VPS35L: variants seen among roughly 807,000 people sequenced by gnomAD.
The protein encoded by VPS35L is VPS35 endosomal protein-sorting factor-like.
A neutral mutation model predicts 133.0 loss-of-function variants in VPS35L; 83 were observed. The observed-to-expected ratio is 0.62, with a 90% CI of 0.52 to 0.75. VPS35L has a LOEUF of 0.75. Among genes scored for constraint, VPS35L ranks in the 30% least tolerant of loss-of-function variants. VPS35L has a pLI of 0.00. For missense variants in VPS35L, 1,083 were observed against 1,206.8 expected (o/e 0.90, Z 1.52); for synonymous variants, 423 against 449.9 (o/e 0.94, Z 0.76).
Position 19,639,964 on chromosome 16 carries a change from C to A in VPS35L, c.1699-51C>A. 6.7e-7 allele frequency: 1 copy of A among 1,483,832 alleles called. No homozygotes were observed. Among genetic ancestry groups the A allele is most frequent in the South Asian group, 1.1e-5 (1 of 86,988 alleles). 91.9% of individuals were successfully genotyped at this position (1,483,832 alleles called of 1,614,324 possible). A position where few individuals can be genotyped will look rare whatever the true frequency, so the allele number is the denominator to read the frequency against. ...AGAAAAAGAGACCCACAGATTCCTT[C>A]CTTCCAATAACTTGTGTCATTTGCA... On this transcript the variant is annotated intron_variant, in intron 20 of 30. Transcript: ENST00000417362. This position sits in a 1 kb window ranked among gnomAD's most constrained non-coding sequence, Gnocchi z 4.1.
intron 14 of VPS35L, among the ~76,000 whole-genome samples, chr16:19,620,557 A>G (rs1973045192): frequency 6.6e-6 from 1 of 152,218 alleles, no homozygotes; most frequent in Admixed American, 6.5e-5. Flanking sequence ...AATTGGGATG[A>G]ATACTCCATT....
At chr16:19,693,329 G>A (rs142263798) in intron 29 of VPS35L, among the ~76,000 whole-genome samples, 9 of 152,036 alleles carry the variant, frequency 5.9e-5, no homozygotes, top group African/African-American at 1.9e-4. Flanking sequence ...TGGTTAATGG[G>A]TACAAAGATA....
chr16:19,666,927 T>TCTTTTTTTCTTC (rs1974699113), intron 26 of VPS35L, among the ~76,000 whole-genome samples: 1 of 62,940 alleles, frequency 1.6e-5, no homozygotes, highest in Non-Finnish European at 3.0e-5. Flanking sequence ...TTTCTTTCTT[T>TCTTTTTTTCTTC]CTTTCTTCCT....
At chr16:19,580,430 A>C (rs1352877697) in intron 6 of VPS35L, among the ~76,000 whole-genome samples, 2 of 152,050 alleles carry the variant, frequency 1.3e-5, no homozygotes, top group Non-Finnish European at 2.9e-5. Context: ...TTTCTTTAAT[A>C]AAGCGTTTTT....
chr16:19,699,313 T>C lies in VPS35L; in HGVS notation c.2647-189T>C. ...TCCCCGCCCTTTGCAGGGGTGACCTTACTGTCACTTACAGATGAAGCAGCT... is the reference window on the plus strand; with the variant it reads ...TCCCCGCCCTTTGCAGGGGTGACCTCACTGTCACTTACAGATGAAGCAGCT... On this transcript the variant is annotated intron_variant, in intron 29 of 30. Transcript: ENST00000417362. This position sits in a 1 kb window ranked among gnomAD's most constrained non-coding sequence, Gnocchi z 4.2. 1.6e-6 allele frequency: 1 copy of C among 628,132 alleles called. No individual in the cohort carries two copies. Among genetic ancestry groups the C allele is most frequent in the Non-Finnish European group, 2.7e-6 (1 of 369,904 alleles). The allele number at this position is 628,132 out of a possible 1,614,324, so 38.9% of individuals were successfully genotyped here. A position where few individuals can be genotyped will look rare whatever the true frequency, so the allele number is the denominator to read the frequency against.
chr16:19,609,094 C>A, intron 11 of VPS35L, 73 bp downstream of exon 11: 1 of 1,298,334 alleles, frequency 7.7e-7, no homozygotes, highest in Non-Finnish European at 1.1e-6. Context: ...ATAGTAATGG[C>A]AATGTAATAG....
intron 2 of VPS35L, among the ~76,000 whole-genome samples, chr16:19,565,602 C>A (rs1335724410): frequency 1.3e-5 from 2 of 152,230 alleles, no homozygotes; most frequent in Non-Finnish European, 2.9e-5. Flanking sequence ...ATCCAACCAC[C>A]TTGGCCTCCC....
chr16:19,560,216 C>T (rs1257941705), intron 1 of VPS35L, among the ~76,000 whole-genome samples: 3 of 152,280 alleles, frequency 2.0e-5, no homozygotes, highest in South Asian at 2.1e-4. Flanking sequence ...TCTGAAAAAT[C>T]GGCTTAGTAC....
At chr16:19,593,170 T>G (rs1440656402) in intron 8 of VPS35L, among the ~76,000 whole-genome samples, 1 of 152,118 alleles carries the variant, frequency 6.6e-6, no homozygotes, top group Non-Finnish European at 1.5e-5. Context: ...TGCTTGGCAG[T>G]GGTTGGTTAG....
chr16:19,582,494 A>G (rs1479787975), intron 7 of VPS35L, among the ~76,000 whole-genome samples: 7 of 152,146 alleles, frequency 4.6e-5, no homozygotes, highest in African/African-American at 1.4e-4. Flanking sequence ...CTTGTATAGT[A>G]CGGGTGATTT....
chr16:19,679,468 A>ATTATTTAT (rs139152185), intron 27 of VPS35L, among the ~76,000 whole-genome samples: 6 of 123,136 alleles, frequency 4.9e-5, no homozygotes, highest in Non-Finnish European at 4.9e-5. Context: ...GTTAAGAACA[A>ATTATTTAT]TTATTTATTT....
rs775240727 is a variant in VPS35L at position 19,691,344 on chromosome 16, G to A, written c.2528-9G>A. 1 of 1,606,134 alleles carries A rather than the reference G, an allele frequency of 6.2e-7. No individual in the cohort carries two copies. Among genetic ancestry groups the A allele is most frequent in the East Asian group, 2.2e-5 (1 of 44,798 alleles). ...TGGGTCTGTCTCACTGTTCTTGTTTGTTCAACAGTGGACTCCAACGACAGC... is the reference window on the plus strand; with the variant it reads ...TGGGTCTGTCTCACTGTTCTTGTTTATTCAACAGTGGACTCCAACGACAGC... On this transcript the variant is annotated splice_polypyrimidine_tract_variant and intron_variant, in intron 28 of 30. Transcript: ENST00000417362.
chr16:19,568,485 G>A (rs779706536), intron 2 of VPS35L, among the ~76,000 whole-genome samples: 9 of 150,998 alleles, frequency 6.0e-5, no homozygotes, highest in Non-Finnish European at 1.3e-4. Flanking sequence ...TCACCTTCCC[G>A]AAGGATGGGG....
intron 26 of VPS35L, among the ~76,000 whole-genome samples, chr16:19,667,057 G>A (rs552939527): frequency 5.3e-4 from 79 of 150,456 alleles, no homozygotes; most frequent in Non-Finnish European, 9.1e-4. Flanking sequence ...TCTGACCGAC[G>A]GGTTCAAGTG....
chr16:19,559,766 A>G (rs1970969293), intron 1 of VPS35L, among the ~76,000 whole-genome samples: 1 of 151,982 alleles, frequency 6.6e-6, no homozygotes, highest in African/African-American at 2.4e-5. Context: ...AGCTCACTGC[A>G]ACCTCCACCT....
chr16:19,651,744 C>G (rs142359177), intron 25 of VPS35L, among the ~76,000 whole-genome samples: 3 of 152,090 alleles, frequency 2.0e-5, no homozygotes, highest in Non-Finnish European at 4.4e-5. Context: ...ATTTACTTCC[C>G]GTGATGGTGG....
At position 19,633,186 on chromosome 16, in the gene VPS35L, A is replaced by C. The variant is rs764486577; in HGVS notation, c.1635+14A>C. The C allele has an allele frequency of 1.9e-6, 3 of 1,610,752 alleles. No individual in the cohort carries two copies. On this transcript the variant is annotated intron_variant, in intron 19 of 30. Coordinates refer to ENST00000417362, the MANE Select transcript of VPS35L (RefSeq NM_020314.7). The surrounding 1 kb of genome is among the most constrained non-coding windows in gnomAD (Gnocchi z 4.1). ...TCCTACCCCCAGGTAACAGATTTGCATTTCTCATTTCAACATTGTTAGGAA... is the reference window on the plus strand; with the variant it reads ...TCCTACCCCCAGGTAACAGATTTGCCTTTCTCATTTCAACATTGTTAGGAA...
At chr16:19,556,493 G>A (rs1970861375) in intron 1 of VPS35L, among the ~76,000 whole-genome samples, 1 of 152,186 alleles carries the variant, frequency 6.6e-6, no homozygotes, top group Non-Finnish European at 1.5e-5. Context: ...GAAGCTTCAG[G>A]GTTCAGCAGG....
intron 21 of VPS35L, among the ~76,000 whole-genome samples, chr16:19,641,569 G>C (rs1465746040): frequency 6.6e-6 from 1 of 152,026 alleles, no homozygotes; most frequent in East Asian, 1.9e-4. Context: ...AGCTTTTCTT[G>C]TCATCTTTCT....
Sources: gnomAD v4.1 joint callset for allele counts (sites outside exome capture counted in the v4.1 genomes callset) on GRCh38, gnomAD v4.1.1 for gene constraint, Gnocchi (gnomAD v3.1) non-coding constraint, MANE v1.5 for transcripts, NCBI Gene and HGNC (gene_info 2026-07-23, HGNC 2026-07-21) for gene names.